Variants in ANO5 observed in about 807,000 individuals in gnomAD.
ANO5 encodes anoctamin 5.
A neutral mutation model predicts 121.0 loss-of-function variants in ANO5; 109 were observed. The ratio of observed to expected loss-of-function variants is 0.90; its 90% confidence interval spans 0.77 to 1.06. ANO5 has a LOEUF of 1.06. Ranked by LOEUF, ANO5 falls within the 50% of genes least tolerant of loss-of-function variation. The pLI, the probability that ANO5 is intolerant of heterozygous loss-of-function variation, is 0.00. For missense variants in ANO5, 1,064 were observed against 1,078.5 expected, an observed-to-expected ratio of 0.99 and a Z score of 0.19; for synonymous variants, 406 against 359.9, an observed-to-expected ratio of 1.13 and a Z score of -1.45.
chr11:22,197,349 CTT>C lies in ANO5; in HGVS notation c.40+3832_40+3833del, dbSNP rs11308210. Among the ~76,000 whole-genome samples, 1,366 of 139,312 alleles carry C rather than the reference CTT, an allele frequency of 9.8e-3. 7 individuals carry two copies. Among genetic ancestry groups the C allele is most frequent in the Non-Finnish European group, 0.013 (821 of 63,464 alleles). The allele number at this position is 139,312 out of a possible 152,430, so 91.4% of individuals were successfully genotyped here. A position where few individuals can be genotyped will look rare whatever the true frequency, so the allele number is the denominator to read the frequency against. ...GTAAAATGTCATTGCTGGAATTTAA[CTT>C]TTTTTTTTTTTTTTGAGGTCTTACT... On this transcript the variant is annotated intron_variant, in intron 1 of 21. Coordinates refer to ENST00000324559, the MANE Select transcript of ANO5 (RefSeq NM_213599.3).
intron 1 of ANO5, among the ~76,000 whole-genome samples, chr11:22,193,769 C>A (rs1026945491): frequency 6.6e-6 from 1 of 152,176 alleles, no homozygotes; most frequent in Non-Finnish European, 1.5e-5. Context: ...GCGCCAGGGA[C>A]CTGCGACCTG....
chr11:22,220,977 G>A (rs1852623930), intron 4 of ANO5, 120 bp from the exon 5 acceptor site: 1 of 717,134 alleles, frequency 1.4e-6, no homozygotes, highest in African/African-American at 1.8e-5. Context: ...AGCATAATCT[G>A]TTGCTGAAAA....
chr11:22,220,990 C>T, intron 4 of ANO5, 107 bp from the exon 5 acceptor site: 1 of 784,206 alleles, frequency 1.3e-6, no homozygotes, highest in South Asian at 1.6e-5. Flanking sequence ...GCTGAAAACT[C>T]TGGTTATTTG....
chr11:22,266,783 A>G (rs938518482), intron 17 of ANO5, among the ~76,000 whole-genome samples: 2 of 152,176 alleles, frequency 1.3e-5, no homozygotes, highest in African/African-American at 4.8e-5. Flanking sequence ...AATTACTGAT[A>G]TAATTCTTAG....
chr11:22,231,103 T>G lies in ANO5; in HGVS notation c.648+3517T>G, dbSNP rs11026469. Among the ~76,000 whole-genome samples the G allele has an allele frequency of 3.2e-3, 481 of 152,084 alleles. 5 individuals are homozygous for G. The highest frequency in any genetic ancestry group is 0.011 in the African/African-American group (465 of 41,492). On this transcript the variant is annotated intron_variant, in intron 7 of 21. Transcript: ENST00000324559. ...CAGAATTATTAATGTGGCTGAGAAC[T>G]GCATGATTCACTTCAGAAGAATCAG...
intron 7 of ANO5, among the ~76,000 whole-genome samples, chr11:22,233,965 A>G (rs1019211207): frequency 6.6e-5 from 10 of 151,988 alleles, no homozygotes; most frequent in African/African-American, 2.4e-4. Flanking sequence ...ATTGTGCTTT[A>G]TCTTCAGGAT....
At chr11:22,225,030 A>C (rs1477805560) in intron 5 of ANO5, among the ~76,000 whole-genome samples, 2 of 152,094 alleles carry the variant, frequency 1.3e-5, no homozygotes, top group Non-Finnish European at 1.5e-5. Context: ...ATAAAGGGGG[A>C]AAAACAATAT....
chr11:22,204,660 A>G (rs1413536905), intron 2 of ANO5, among the ~76,000 whole-genome samples: 2 of 152,100 alleles, frequency 1.3e-5, no homozygotes. Flanking sequence ...GTGACCCACT[A>G]GTCAGAATGG....
Position 22,227,591 on chromosome 11 carries a change from G to T in ANO5, c.648+5G>T. On this transcript the variant is annotated splice_donor_5th_base_variant and intron_variant, in intron 7 of 21. Coordinates refer to ENST00000324559, the MANE Select transcript of ANO5 (RefSeq NM_213599.3). ...TCCTCATCAAGAAACAGAATTGTAGGTAGAGAAGACCTTTGGGCACATCCC... is the reference window on the plus strand; with the variant it reads ...TCCTCATCAAGAAACAGAATTGTAGTTAGAGAAGACCTTTGGGCACATCCC... 3 of 1,613,170 alleles carry T rather than the reference G, an allele frequency of 1.9e-6. No homozygotes were observed. In the South Asian group the frequency reaches 3.3e-5, roughly 18 times the overall value.
intron 9 of ANO5, among the ~76,000 whole-genome samples, chr11:22,242,347 T>G (rs1407275172): frequency 6.6e-6 from 1 of 152,128 alleles, no homozygotes; most frequent in Non-Finnish European, 1.5e-5. Flanking sequence ...GTTGTGTTCT[T>G]TTTGGTTAGG....
At chr11:22,262,667 TAAC>T (rs933177767) in intron 16 of ANO5, among the ~76,000 whole-genome samples, 2 of 152,160 alleles carry the variant, frequency 1.3e-5, no homozygotes, top group African/African-American at 4.8e-5. Context: ...ATGGAAGATA[TAAC>T]AACTCCCAAC....
chr11:22,279,502 C>T, intron 21 of ANO5, 42 bp from the exon 22 acceptor site: 4 of 1,512,778 alleles, frequency 2.6e-6, no homozygotes, highest in Non-Finnish European at 3.7e-6. Context: ...GAGCATGTGA[C>T]ACCTCTAACA....
At chr11:22,216,313 C>T (rs545547355) in intron 3 of ANO5, among the ~76,000 whole-genome samples, 5 of 151,788 alleles carry the variant, frequency 3.3e-5, no homozygotes, top group South Asian at 2.1e-4. Flanking sequence ...CAGCAATGTA[C>T]GAGAGTTCTT....
At position 22,262,991 on chromosome 11, in the gene ANO5, A is replaced by G. The variant is rs1168431058; in HGVS notation, c.1846A>G (p.Ile616Val). Residue 616 changes from isoleucine (I) to valine (V), a missense_variant, in exon 17 of 22, where the codon ATT becomes GTT. Physicochemically the swap from Ile to Val is conservative, Grantham distance 29 (BLOSUM62 3). Transcript: ENST00000324559. ...TATAGAATTGACAACCCAATTGACC[A>G]TTATAATGACCGGGAAACAGATTTT... ...CLIELTTQLT[I>V]IMTGKQIFGN... 1 of 1,613,744 alleles carries G rather than the reference A, an allele frequency of 6.2e-7. No homozygotes were observed. The highest frequency in any genetic ancestry group is 8.5e-7 in the Non-Finnish European group (1 of 1,179,814).
intron 9 of ANO5, among the ~76,000 whole-genome samples, chr11:22,249,386 C>A (rs1853724802): frequency 6.6e-6 from 1 of 151,980 alleles, no homozygotes; most frequent in Non-Finnish European, 1.5e-5. Context: ...GCTACTAGAA[C>A]ACAAAAGGTA....
At chr11:22,222,874 T>C (rs776924986) in intron 5 of ANO5, among the ~76,000 whole-genome samples, 4 of 151,988 alleles carry the variant, frequency 2.6e-5, no homozygotes, top group Non-Finnish European at 5.9e-5. Flanking sequence ...TTTCTCCCAC[T>C]TTCTTAGATG....
intron 3 of ANO5, among the ~76,000 whole-genome samples, chr11:22,217,260 C>T (rs141244355): frequency 6.6e-6 from 1 of 151,864 alleles, no homozygotes; most frequent in Non-Finnish European, 1.5e-5. Context: ...TCAATTCTTG[C>T]TCATTTATGC....
At chr11:22,273,038 G>A (rs757173779) in intron 19 of ANO5, 49 bp downstream of exon 19, 14 of 1,539,836 alleles carry the variant, frequency 9.1e-6, no homozygotes, top group South Asian at 5.6e-5. Flanking sequence ...ATTTTGGGGG[G>A]TGTGGGGAGA....
intron 9 of ANO5, among the ~76,000 whole-genome samples, chr11:22,242,951 G>T (rs1853481403): frequency 6.6e-6 from 1 of 151,984 alleles, no homozygotes; most frequent in Non-Finnish European, 1.5e-5. Context: ...AATAGGAGTG[G>T]TAAGAGTGGG....
Sources: allele counts gnomAD v4.1 joint callset (sites outside exome capture counted in the v4.1 genomes callset), GRCh38; gene constraint gnomAD v4.1.1; transcripts MANE v1.5; gene names NCBI Gene and HGNC (gene_info 2026-07-23, HGNC 2026-07-21).